The following FAM163B variants were observed in gnomAD, a reference collection of about 807,000 sequenced individuals.
FAM163B encodes the protein protein FAM163B.
FAM163B carries 4 observed loss-of-function variants against 7.6 expected under a neutral mutation model. That is an observed-to-expected ratio of 0.52 (90% CI 0.26 to 1.20). FAM163B has a LOEUF of 1.20. Ranked by LOEUF, FAM163B falls within the 50% of genes most tolerant of loss-of-function variation. FAM163B has a pLI of 0.14. For synonymous variants in FAM163B, 120 were observed against 111.6 expected (o/e 1.07, Z -0.47); for missense variants, 250 against 243.0 (o/e 1.03, Z -0.19).
intron 1 of FAM163B, among the ~76,000 whole-genome samples, chr9:133,590,219 T>G (rs912834740): frequency 3.5e-5 from 5 of 141,288 alleles, no homozygotes; most frequent in Non-Finnish European, 6.2e-5. Context: ...CTTCCCTCTC[T>G]CCTTCCTTCC....
At chr9:133,589,999 A>C (rs1831513166) in intron 1 of FAM163B, among the ~76,000 whole-genome samples, 1 of 151,614 alleles carries the variant, frequency 6.6e-6, no homozygotes, top group Admixed American at 6.6e-5. Flanking sequence ...AATGTGCAGA[A>C]GTTGGGTTCG....
intron 1 of FAM163B, among the ~76,000 whole-genome samples, chr9:133,607,951 C>A (rs1310869481): frequency 1.3e-5 from 2 of 152,170 alleles, no homozygotes; most frequent in Non-Finnish European, 2.9e-5. Context: ...GAGCCCTGGT[C>A]ACCTCCACTT....
At chr9:133,580,515 T>C (rs929281646) in intron 1 of FAM163B, among the ~76,000 whole-genome samples, 3 of 152,204 alleles carry the variant, frequency 2.0e-5, no homozygotes, top group Admixed American at 2.0e-4. Flanking sequence ...TGTGACACTT[T>C]TACAAGCGTG....
intron 1 of FAM163B, among the ~76,000 whole-genome samples, chr9:133,580,447 C>T (rs1332988327): frequency 6.6e-6 from 1 of 152,220 alleles, no homozygotes; most frequent in Non-Finnish European, 1.5e-5. Flanking sequence ...TGTCCCTGCC[C>T]CTCTCCCAGC....
At chr9:133,596,268 A>G (rs35349203) in intron 1 of FAM163B, among the ~76,000 whole-genome samples, 19,606 of 152,082 alleles carry the variant, frequency 0.13, 1,428 homozygotes, top group South Asian at 0.27. Flanking sequence ...CGAGTTTGCC[A>G]TGCTCCTGTC....
intron 1 of FAM163B, among the ~76,000 whole-genome samples, chr9:133,603,334 C>T (rs539963337): frequency 6.6e-6 from 1 of 152,160 alleles, no homozygotes; most frequent in Non-Finnish European, 1.5e-5. Context: ...GGCCTCAGAT[C>T]GCTCTTGGCA....
rs149827683 is a variant in FAM163B at position 133,601,578 on chromosome 9, C to T, written c.-24+7499G>A. Among the ~76,000 whole-genome samples, 10 of 152,306 alleles carry T rather than the reference C, an allele frequency of 6.6e-5. No individual in the cohort carries two copies. The highest frequency in any genetic ancestry group is 3.9e-4 in the East Asian group (2 of 5,172). On this transcript the variant is annotated intron_variant, in intron 1 of 2. Coordinates refer to ENST00000673969, the MANE Select transcript of FAM163B (RefSeq NM_001080515.3). This position sits in a 1 kb window ranked among gnomAD's most constrained non-coding sequence, Gnocchi z 4.1. Reference sequence around the variant, plus strand: ...AATTTCGGGTGCCACATGGGTCAGACGCAGCTACCCCCCGGACTGCTCCTA... The same window carrying T: ...AATTTCGGGTGCCACATGGGTCAGATGCAGCTACCCCCCGGACTGCTCCTA...
At chr9:133,589,466 A>G (rs765888206) in intron 1 of FAM163B, among the ~76,000 whole-genome samples, 1 of 152,240 alleles carries the variant, frequency 6.6e-6, no homozygotes, top group Non-Finnish European at 1.5e-5. Context: ...GGTGTGCCAC[A>G]TCAAATCTGA....
intron 1 of FAM163B, among the ~76,000 whole-genome samples, chr9:133,582,074 G>A (rs1831364401): frequency 6.6e-6 from 1 of 152,172 alleles, no homozygotes; most frequent in African/African-American, 2.4e-5. Flanking sequence ...GCAGAGGGAA[G>A]GCTCAGAGGT....
chr9:133,584,685 G>A (rs891760565), intron 1 of FAM163B, among the ~76,000 whole-genome samples: 3 of 152,238 alleles, frequency 2.0e-5, no homozygotes, highest in Admixed American at 6.5e-5. Context: ...GGGAGGAACC[G>A]AGGGAAACTT....
At chr9:133,593,952 C>T (rs776821611) in intron 1 of FAM163B, among the ~76,000 whole-genome samples, 19 of 152,230 alleles carry the variant, frequency 1.2e-4, no homozygotes, top group Non-Finnish European at 2.5e-4. Flanking sequence ...CTCTGCCACC[C>T]CCAGATCCAT....
rs747232507 is a variant in FAM163B at position 133,579,228 on chromosome 9, G to T, written c.295C>A (p.Pro99Thr). Residue 99 changes from proline to threonine, a missense_variant, in exon 3 of 3, where the codon CCC (proline) becomes ACC (threonine). Pro to Thr is a conservative substitution (Grantham distance 38). Transcript: ENST00000673969. ...ALCRSCSHCE[P>T]PTFFLQEPPE... The stretch of plus-strand genomic sequence containing the variant: ...GGCTCCTGCAGGAAGAAGGTGGGGG[G>T]CTCGCAGTGGGAGCAGCTGCGGCAG... 1.2e-6 allele frequency: 2 copies of T among 1,611,894 alleles called. No individual in the cohort carries two copies. The highest frequency in any genetic ancestry group is 2.2e-5 in the South Asian group (2 of 91,008).
chr9:133,585,870 C>G (rs913386606), intron 1 of FAM163B: 1 of 152,222 alleles, frequency 6.6e-6, no homozygotes, highest in Admixed American at 6.5e-5. Flanking sequence ...TGTTGCCTCA[C>G]GGTCAGACTC....
intron 1 of FAM163B, among the ~76,000 whole-genome samples, chr9:133,588,787 A>C (rs910847451): frequency 3.6e-5 from 5 of 140,134 alleles, no homozygotes; most frequent in African/African-American, 1.3e-4. Flanking sequence ...GTCACCGGGC[A>C]CATCTGCTGC....
chr9:133,588,102 T>C (rs1188385249), intron 1 of FAM163B, among the ~76,000 whole-genome samples: 2 of 152,152 alleles, frequency 1.3e-5, no homozygotes, highest in African/African-American at 2.4e-5. Context: ...CACCCTGAGC[T>C]GTGAGGCTGG....
At chr9:133,596,472 G>A (rs936122379) in intron 1 of FAM163B, among the ~76,000 whole-genome samples, 1 of 152,164 alleles carries the variant, frequency 6.6e-6, no homozygotes, top group African/African-American at 2.4e-5. Context: ...CCAAGATGGG[G>A]TAATGGGGCC....
chr9:133,579,159 G>A lies in FAM163B; in HGVS notation c.364C>T (p.Leu122Phe), dbSNP rs1038664062. 6.2e-6 allele frequency: 10 copies of A among 1,610,412 alleles called. No homozygotes were observed. The Admixed American group carries it at 1.7e-4, about 27-fold the overall frequency. ...EDVLNGGERVLYKSVSQEDVE... is the reference protein window; with the variant it reads ...EDVLNGGERVFYKSVSQEDVE... ...TCCTCCTGGCTCACGCTCTTGTAGA[G>A]CACGCGCTCCCCGCCGTTCAGCACG... is the stretch of plus-strand genomic sequence containing the variant. Residue 122 changes from leucine (L) to phenylalanine (F), a missense_variant, in exon 3 of 3, where the codon CTC (leucine) becomes TTC (phenylalanine). Transcript: ENST00000673969.
At chr9:133,590,462 C>G (rs1025751765) in intron 1 of FAM163B, among the ~76,000 whole-genome samples, 2 of 152,068 alleles carry the variant, frequency 1.3e-5, no homozygotes, top group Non-Finnish European at 2.9e-5. Flanking sequence ...CCTATAGGCA[C>G]AGCCGGCGCA....
chr9:133,587,967 A>T (rs1238770319), intron 1 of FAM163B, among the ~76,000 whole-genome samples: 1 of 111,618 alleles, frequency 9.0e-6, no homozygotes, highest in Admixed American at 9.4e-5. Flanking sequence ...GGGGGCGCGA[A>T]CGGGGGGCGA....
Sources: allele counts gnomAD v4.1 joint callset (sites outside exome capture counted in the v4.1 genomes callset), GRCh38; gene constraint gnomAD v4.1.1; non-coding constraint Gnocchi (gnomAD v3.1); transcripts MANE v1.5; gene names NCBI Gene and HGNC (gene_info 2026-07-23, HGNC 2026-07-21).